The following VPREB3 variants were observed in gnomAD, a reference collection of about 807,000 sequenced individuals.
The protein encoded by VPREB3 is V-set pre-B cell surrogate light chain 3.
A neutral mutation model predicts 12.9 loss-of-function variants in VPREB3; 14 were observed. That is an observed-to-expected ratio of 1.09 (90% CI 0.72 to 1.70). The LOEUF is 1.70. Ranked by LOEUF, VPREB3 falls within the 40% of genes most tolerant of loss-of-function variation. The pLI is 0.00. For missense variants in VPREB3, 165 were observed against 159.6 expected, an observed-to-expected ratio of 1.03 and a Z score of -0.18; for synonymous variants, 78 against 70.1, an observed-to-expected ratio of 1.11 and a Z score of -0.56.
At chr22:23,753,245 C>T (rs1487710694) in intron 1 of VPREB3, 47 bp from the exon 2 acceptor site, 5 of 1,512,668 alleles carry the variant, frequency 3.3e-6, no homozygotes, top group East Asian at 4.9e-5. Flanking sequence ...CCTCCCACCC[C>T]TGCCCTGTGA....
At position 23,752,996 on chromosome 22, in the gene VPREB3, G is replaced by C. The variant is rs147712884; in HGVS notation, c.252C>G (p.Pro84=). The change falls in exon 2 of 2, where the codon CCC becomes CCG. Residue 84 remains proline (P), a synonymous_variant. Transcript: ENST00000248948. ...CATCCTTGGCTGCCGAGAATCGATC[G>C]GGGATGTCAGCAGGCCGGTGGTGAT... ...EEDHHRPADI[P]DRFSAAKDEA... 2.3e-5 allele frequency: 37 copies of C among 1,614,030 alleles called. No individual in the cohort carries two copies. Among genetic ancestry groups the C allele is most frequent in the Admixed American group, 5.0e-5 (3 of 60,004 alleles).
Position 23,752,799 on chromosome 22 carries a change from G to A in VPREB3, c.*77C>T. The A allele has an allele frequency of 1.3e-5, 18 of 1,415,272 alleles. No homozygotes were observed. The highest frequency in any genetic ancestry group is 1.8e-5 in the Non-Finnish European group (18 of 1,027,624). The allele number at this position is 1,415,272 out of a possible 1,614,324, so 87.7% of individuals were successfully genotyped here. On this transcript the variant is annotated 3_prime_UTR_variant, in exon 2 of 2. Transcript: ENST00000248948. ...TTTTACAGAGGGGAAGCAAGGCTCA[G>A]AGAAAGTTTAAAAGGGACCCAAGGT... is the stretch of plus-strand genomic sequence containing the variant.
chr22:23,753,274 TG>T (rs1398768433), intron 1 of VPREB3, 76 bp from the exon 2 acceptor site: 4 of 1,413,870 alleles, frequency 2.8e-6, no homozygotes, highest in Non-Finnish European at 3.8e-6. Context: ...TTGGACTCCA[TG>T]GAGACTCCCA....
Position 23,754,381 on chromosome 22 carries a change from C to T in VPREB3, c.-18G>A, listed in dbSNP as rs1276077369. On this transcript the variant is annotated 5_prime_UTR_variant, in exon 1 of 2. Coordinates refer to ENST00000248948, the MANE Select transcript of VPREB3 (RefSeq NM_013378.3). ...CAGGCCATGGCCAGAGGCAGGGAGG[C>T]AGGCAAGTAGAAGTTCTGCAAGGCT... is the stretch of plus-strand genomic sequence containing the variant. The T allele has an allele frequency of 6.2e-7, 1 of 1,604,518 alleles. No individual in the cohort carries two copies. The highest frequency in any genetic ancestry group is 2.2e-5 in the East Asian group (1 of 44,590).
rs772821652 is a variant in VPREB3 at position 23,754,343 on chromosome 22, G to C, written c.21C>G (p.Ser7Arg). 1.9e-6 allele frequency: 3 copies of C among 1,609,846 alleles called. No individual in the cohort carries two copies. Among genetic ancestry groups the C allele is most frequent in the Non-Finnish European group, 2.5e-6 (3 of 1,178,340 alleles). MACRCL[S>R]FLLMGTFLSV... is the part of the protein sequence containing the mutation. ...ACAGGAAGGTCCCCATCAGAAGGAA[G>C]CTGAGGCACCGGCAGGCCATGGCCA... Residue 7 changes from serine to arginine, a missense_variant, in exon 1 of 2, where the codon AGC becomes AGG. Ser to Arg is a moderately radical substitution (Grantham distance 110). Transcript: ENST00000248948.
chr22:23,753,295 G>C, intron 1 of VPREB3, 97 bp from the exon 2 acceptor site: 1 of 1,277,940 alleles, frequency 7.8e-7, no homozygotes, highest in East Asian at 2.5e-5. Context: ...AGTCCCAAAG[G>C]GCTCATAGCC....
chr22:23,754,314 C>G lies in VPREB3; in HGVS notation c.49+1G>C, dbSNP rs995454805. On this transcript the variant is annotated splice_donor_variant, in intron 1 of 1. Transcript: ENST00000248948. LOFTEE classifies it high-confidence loss of function. Reference sequence around the variant, plus strand: ...GTGACTGAGGCCCAGGAAAGATTCACCTGACAGGAAGGTCCCCATCAGAAG... The same window carrying G: ...GTGACTGAGGCCCAGGAAAGATTCAGCTGACAGGAAGGTCCCCATCAGAAG... 2 of 1,603,296 alleles carry G rather than the reference C, an allele frequency of 1.2e-6. No homozygotes were observed. The highest frequency in any genetic ancestry group is 1.7e-6 in the Non-Finnish European group (2 of 1,175,134).
In VPREB3 at chr22:23,754,297, G is replaced by A; in HGVS notation, c.49+18C>T. On this transcript the variant is annotated intron_variant, in intron 1 of 1. Transcript: ENST00000248948. The stretch of plus-strand genomic sequence containing the variant: ...CCCCACCCCACACCCAGGTGACTGA[G>A]GCCCAGGAAAGATTCACCTGACAGG... 1 of 1,591,992 alleles carries A rather than the reference G, an allele frequency of 6.3e-7. No homozygotes were observed. Among genetic ancestry groups the A allele is most frequent in the Non-Finnish European group, 8.6e-7 (1 of 1,169,188 alleles).
In VPREB3 at chr22:23,752,889, C is replaced by T. The variant is rs762083610; in HGVS notation, c.359G>A (p.Gly120Asp). ...CACACCCCACCCCTAGGGACTAAAGCCGTAGCCAACAGAGCAGTAGTAATC... is the reference window on the plus strand; with the variant it reads ...CACACCCCACCCCTAGGGACTAAAGTCGTAGCCAACAGAGCAGTAGTAATC... ...DADYYCSVGYGFSP is the reference protein window; with the variant it reads ...DADYYCSVGYDFSP Residue 120 changes from glycine (G) to aspartate (D), a missense_variant, in exon 2 of 2, where the codon GGC (glycine) becomes GAC (aspartate). Gly to Asp is a moderately conservative substitution (Grantham distance 94). Transcript: ENST00000248948. The T allele has an allele frequency of 6.2e-7, 1 of 1,611,498 alleles. No individual in the cohort carries two copies. Among genetic ancestry groups the T allele is most frequent in the Non-Finnish European group, 8.5e-7 (1 of 1,177,954 alleles).
rs375638592 is a variant in VPREB3 at position 23,754,196 on chromosome 22, AT to A, written c.49+118del. 318 of 1,051,230 alleles carry A rather than the reference AT, an allele frequency of 3.0e-4. 2 individuals are homozygous for A. In the African/African-American group the frequency reaches 4.4e-3, roughly 15 times the overall value. The allele number at this position is 1,051,230 out of a possible 1,614,324, so 65.1% of individuals were successfully genotyped here. ...AAACTCCGTCTCAAAAAAAAAAAAA[AT>A]ACCCCTCCCAGGACCTGCCCTACTG... On this transcript the variant is annotated intron_variant, in intron 1 of 1. Transcript: ENST00000248948.
chr22:23,753,484 G>A (rs1925424668), intron 1 of VPREB3, among the ~76,000 whole-genome samples: 1 of 152,142 alleles, frequency 6.6e-6, no homozygotes, highest in Non-Finnish European at 1.5e-5. Flanking sequence ...GAGCTCAGAA[G>A]GTTGGACTAG....
Position 23,753,211 on chromosome 22 carries a change from A to C in VPREB3, c.50-13T>G. 1 of 1,568,416 alleles carries C rather than the reference A, an allele frequency of 6.4e-7. No homozygotes were observed. The highest frequency in any genetic ancestry group is 8.6e-7 in the Non-Finnish European group (1 of 1,156,870). The stretch of plus-strand genomic sequence containing the variant: ...ACTGTCTGGGAAACTGCGAGACACA[A>C]ACCCACTCAGCCTGAGCCCCTTCCC... On this transcript the variant is annotated splice_polypyrimidine_tract_variant and intron_variant, in intron 1 of 1. Coordinates refer to ENST00000248948, the MANE Select transcript of VPREB3 (RefSeq NM_013378.3).
chr22:23,752,918 G>C lies in VPREB3; in HGVS notation c.330C>G (p.Asp110Glu). Reference protein sequence around the residue: ...LTISPVQPEDDADYYCSVGYG... With the variant: ...LTISPVQPEDEADYYCSVGYG... ...AGCCAACAGAGCAGTAGTAATCCGCGTCGTCTTCAGGCTGCACGGGACTAA... is the reference window on the plus strand; with the variant it reads ...AGCCAACAGAGCAGTAGTAATCCGCCTCGTCTTCAGGCTGCACGGGACTAA... The change falls in exon 2 of 2, where the codon GAC becomes GAG. Residue 110 changes from aspartate to glutamate, a missense_variant. Transcript: ENST00000248948. 6.2e-7 allele frequency: 1 copy of C among 1,614,116 alleles called. No homozygotes were observed. The highest frequency in any genetic ancestry group is 8.5e-7 in the Non-Finnish European group (1 of 1,180,006).
At chr22:23,754,095 A>C (rs1052215456) in intron 1 of VPREB3, among the ~76,000 whole-genome samples, 1 of 151,900 alleles carries the variant, frequency 6.6e-6, no homozygotes, top group Non-Finnish European at 1.5e-5. Context: ...AGGCAGAAGA[A>C]TCGCTTGAAC....
In VPREB3 at chr22:23,752,883, C is replaced by T. The variant is rs1321570047; in HGVS notation, c.365G>A (p.Ser122Asn). 1 of 1,610,582 alleles carries T rather than the reference C, an allele frequency of 6.2e-7. No individual in the cohort carries two copies. Among genetic ancestry groups the T allele is most frequent in the Non-Finnish European group, 8.5e-7 (1 of 1,177,308 alleles). The change falls in exon 2 of 2, where the codon AGT becomes AAT. Residue 122 changes from serine (S) to asparagine (N), a missense_variant. Ser to Asn is a conservative substitution (Grantham distance 46). Coordinates refer to ENST00000248948, the MANE Select transcript of VPREB3 (RefSeq NM_013378.3). ...DYYCSVGYGF[S>N]P ...CCATCTCACACCCCACCCCTAGGGA[C>T]TAAAGCCGTAGCCAACAGAGCAGTA... is the stretch of plus-strand genomic sequence containing the variant.
intron 1 of VPREB3, among the ~76,000 whole-genome samples, chr22:23,754,049 G>A (rs1478916045): frequency 6.6e-6 from 1 of 152,094 alleles, no homozygotes; most frequent in East Asian, 1.9e-4. Context: ...CAGGCGTGGT[G>A]GCGCATGCCT....
rs554562212 is a variant in VPREB3 at position 23,752,947 on chromosome 22, T to C, written c.301A>G (p.Thr101Ala). The C allele has an allele frequency of 4.3e-6, 7 of 1,614,070 alleles. No individual in the cohort carries two copies. In the African/African-American group the frequency reaches 6.7e-5, roughly 15 times the overall value. ...TCTTCAGGCTGCACGGGACTAATGG[T>C]GAGGACACAGGCATTGTGGGCCTCA... ...KDEAHNACVL[T>A]ISPVQPEDDA... Residue 101 changes from threonine (T) to alanine (A), a missense_variant, in exon 2 of 2, where the codon ACC becomes GCC. Physicochemically the swap from Thr to Ala is moderately conservative, Grantham distance 58 (BLOSUM62 0). Transcript: ENST00000248948.
Position 23,752,890 on chromosome 22 carries a change from C to A in VPREB3, c.358G>T (p.Gly120Cys). The change falls in exon 2 of 2, where the codon GGC becomes TGC. Residue 120 changes from glycine to cysteine, a missense_variant. Coordinates refer to ENST00000248948, the MANE Select transcript of VPREB3 (RefSeq NM_013378.3). ...DADYYCSVGY[G>C]FSP ...ACACCCCACCCCTAGGGACTAAAGC[C>A]GTAGCCAACAGAGCAGTAGTAATCC... The A allele has an allele frequency of 6.2e-7, 1 of 1,611,710 alleles. No individual in the cohort carries two copies. Among genetic ancestry groups the A allele is most frequent in the Non-Finnish European group, 8.5e-7 (1 of 1,178,094 alleles).
In VPREB3 at chr22:23,752,945, G is replaced by A. The variant is rs1925404592; in HGVS notation, c.303C>T (p.Thr101=). 6.2e-7 allele frequency: 1 copy of A among 1,614,160 alleles called. No individual in the cohort carries two copies. Among genetic ancestry groups the A allele is most frequent in the East Asian group, 2.2e-5 (1 of 44,876 alleles). ...CGTCTTCAGGCTGCACGGGACTAAT[G>A]GTGAGGACACAGGCATTGTGGGCCT... ...KDEAHNACVL[T]ISPVQPEDDA... is the part of the protein sequence containing the mutation. The change falls in exon 2 of 2, where the codon ACC becomes ACT. Residue 101 remains threonine, a synonymous_variant. Coordinates refer to ENST00000248948, the MANE Select transcript of VPREB3 (RefSeq NM_013378.3).
Sources: allele counts gnomAD v4.1 joint callset (sites outside exome capture counted in the v4.1 genomes callset), GRCh38; gene constraint gnomAD v4.1.1; transcripts MANE v1.5; gene names NCBI Gene and HGNC (gene_info 2026-07-23, HGNC 2026-07-21).